Variants in RIMBP2 observed in about 807,000 individuals in gnomAD.
The protein encoded by RIMBP2 is RIMS-binding protein 2.
Under a neutral mutation model 118.6 loss-of-function variants are expected in RIMBP2, and 48 were observed. The observed-to-expected ratio is 0.40, with a 90% CI of 0.32 to 0.51. The LOEUF is 0.51. Among genes scored for constraint, RIMBP2 ranks in the 20% least tolerant of loss-of-function variants. RIMBP2 has a pLI of 0.41. For synonymous variants in RIMBP2, 762 were observed against 742.9 expected, an observed-to-expected ratio of 1.03 and a Z score of -0.42; for missense variants, 1,551 against 1,768.3, an observed-to-expected ratio of 0.88 and a Z score of 2.20.
intron 1 of RIMBP2, among the ~76,000 whole-genome samples, chr12:130,653,067 C>A (rs1074691): frequency 0.094 from 14,353 of 152,250 alleles, 840 homozygotes; most frequent in Non-Finnish European, 0.13. Flanking sequence ...TCCCCCAAAT[C>A]TCATGTCCTT....
chr12:130,504,963 T>G (rs1198458906), intron 4 of RIMBP2, among the ~76,000 whole-genome samples: 1 of 152,140 alleles, frequency 6.6e-6, no homozygotes, highest in Non-Finnish European at 1.5e-5. Flanking sequence ...TCCAACAGAC[T>G]CTCCGCTAAG....
At chr12:130,535,615 A>G (rs2053922613) in intron 2 of RIMBP2, among the ~76,000 whole-genome samples, 1 of 151,316 alleles carries the variant, frequency 6.6e-6, no homozygotes. Flanking sequence ...CCTGTAAAAC[A>G]CAGCTCTCTC....
chr12:130,433,342 C>T (rs536218546), intron 14 of RIMBP2, among the ~76,000 whole-genome samples: 2 of 152,314 alleles, frequency 1.3e-5, no homozygotes, highest in South Asian at 2.1e-4. Flanking sequence ...TATGTCTACT[C>T]ACTGCATGTG....
chr12:130,592,837 C>T (rs2059353669), intron 2 of RIMBP2, among the ~76,000 whole-genome samples: 1 of 152,094 alleles, frequency 6.6e-6, no homozygotes, highest in South Asian at 2.1e-4. Flanking sequence ...AAATCGGGAG[C>T]GGGAGAGATG....
At chr12:130,602,928 C>T (rs1038913797) in intron 2 of RIMBP2, among the ~76,000 whole-genome samples, 6 of 152,120 alleles carry the variant, frequency 3.9e-5, no homozygotes, top group African/African-American at 1.2e-4. Context: ...CACCCCCTCC[C>T]GGAAGAGGAG....
chr12:130,706,706 G>A lies in RIMBP2; in HGVS notation c.-352+9516C>T, dbSNP rs2066138991. Among the ~76,000 whole-genome samples, 4 of 152,368 alleles carry A rather than the reference G, an allele frequency of 2.6e-5. No individual in the cohort carries two copies. In the South Asian group the frequency reaches 8.3e-4, roughly 32 times the overall value. ...TGTTGGTGCCTTTTGACAGTTAAAT[G>A]AGCTAGCTGGTGGGAAGAGTGCAGA... On this transcript the variant is annotated intron_variant, in intron 1 of 22. Transcript: ENST00000690449.
At position 130,422,666 on chromosome 12, in the gene RIMBP2, A is replaced by ACC; in HGVS notation, c.3130-106_3130-105insGG. On this transcript the variant is annotated intron_variant, in intron 16 of 22. Transcript: ENST00000690449. This position sits in a 1 kb window ranked among gnomAD's most constrained non-coding sequence, Gnocchi z 5.2. ...TTGAAAAGCAGAATCTGTAAAGGCA[A>ACC]CTAAACTTAGCTTTTAACTGAAAGG... The ACC allele has an allele frequency of 1.3e-6, 1 of 778,696 alleles. No homozygotes were observed. Among genetic ancestry groups the ACC allele is most frequent in the Non-Finnish European group, 2.1e-6 (1 of 472,706 alleles). 48.2% of individuals were successfully genotyped at this position (778,696 alleles called of 1,614,324 possible).
At chr12:130,702,113 C>G (rs1050488732) in intron 1 of RIMBP2, among the ~76,000 whole-genome samples, 1 of 152,168 alleles carries the variant, frequency 6.6e-6, no homozygotes, top group African/African-American at 2.4e-5. Context: ...AGGGTCCCAG[C>G]TGTTTGCATT....
intron 2 of RIMBP2, among the ~76,000 whole-genome samples, chr12:130,550,595 G>T (rs918086671): frequency 1.3e-5 from 2 of 152,138 alleles, no homozygotes; most frequent in African/African-American, 4.8e-5. Flanking sequence ...TCCTATTTTT[G>T]CAATGTTTAT....
chr12:130,437,866 T>C (rs1340434449), intron 12 of RIMBP2, among the ~76,000 whole-genome samples: 3 of 152,176 alleles, frequency 2.0e-5, no homozygotes, highest in Non-Finnish European at 2.9e-5. Flanking sequence ...AAGCCCTCCC[T>C]GAGGGCAGAT....
In RIMBP2 at chr12:130,432,381, T is replaced by A; in HGVS notation, c.2253+2353A>T. On this transcript the variant is annotated intron_variant, in intron 14 of 22. Coordinates refer to ENST00000690449, the MANE Select transcript of RIMBP2 (RefSeq NM_001393629.1). ...GCACTTACTACTTGCCAGTTGTGTT[T>A]TGCGTGTCATGTAATACACAGAAAG... is the stretch of plus-strand genomic sequence containing the variant. 13 of 450,218 alleles carry A rather than the reference T, an allele frequency of 2.9e-5. 1 individual carries two copies. The highest frequency in any genetic ancestry group is 1.7e-4 in the South Asian group (11 of 63,354). The allele number at this position is 450,218 out of a possible 1,614,324, so 27.9% of individuals were successfully genotyped here. A position where few individuals can be genotyped will look rare whatever the true frequency, so the allele number is the denominator to read the frequency against.
At chr12:130,583,800 ACCGCCATCACCTCATCACCACCAC>A (rs2058645644) in intron 2 of RIMBP2, among the ~76,000 whole-genome samples, 2 of 71,136 alleles carry the variant, frequency 2.8e-5, no homozygotes, top group African/African-American at 3.9e-5. Context: ...CATCACCACC[ACCGCCATCACCTCATCACCACCAC>A]CCCCATCACC....
chr12:130,561,102 C>T (rs1242905300), intron 2 of RIMBP2, among the ~76,000 whole-genome samples: 2 of 152,132 alleles, frequency 1.3e-5, no homozygotes, highest in Non-Finnish European at 2.9e-5. Context: ...CAAGGAGCCC[C>T]AAAGATGGCC....
intron 1 of RIMBP2, among the ~76,000 whole-genome samples, chr12:130,645,973 GA>G (rs1471039115): frequency 3.9e-5 from 6 of 152,036 alleles, no homozygotes; most frequent in Non-Finnish European, 8.8e-5. Context: ...AAGAAGGAAA[GA>G]AAAAACCCAG....
rs1198052812 is a variant in RIMBP2, at chr12:130,688,132, C to T, written c.-352+28090G>A. Among the ~76,000 whole-genome samples the T allele has an allele frequency of 3.3e-5, 5 of 152,202 alleles. No homozygotes were observed. The highest frequency in any genetic ancestry group is 7.3e-5 in the Non-Finnish European group (5 of 68,044). On this transcript the variant is annotated intron_variant, in intron 1 of 22. Transcript: ENST00000690449. The surrounding 1 kb of genome is among the most constrained non-coding windows in gnomAD (Gnocchi z 4.7). The stretch of plus-strand genomic sequence containing the variant: ...ACACTCGGTGACCAGGCTCTGATGC[C>T]ATTCCAAGCATGGCCCCACAGCTCC...
chr12:130,470,810 G>A (rs1478590605), intron 5 of RIMBP2, 67 bp from the exon 6 acceptor site: 7 of 928,396 alleles, frequency 7.5e-6, no homozygotes, highest in Non-Finnish European at 8.4e-6. Context: ...TCGGATCAAT[G>A]TCTGAATCAC....
chr12:130,658,237 T>C (rs2063509394), intron 1 of RIMBP2: 1 of 152,216 alleles, frequency 6.6e-6, no homozygotes, highest in Non-Finnish European at 1.5e-5. Flanking sequence ...CGTGTTGACA[T>C]GAAGGGTTCT....
chr12:130,434,969 T>C lies in RIMBP2; in HGVS notation c.2107-89A>G, dbSNP rs1181022850. 2 of 1,417,858 alleles carry C rather than the reference T, an allele frequency of 1.4e-6. No homozygotes were observed. Among genetic ancestry groups the C allele is most frequent in the East Asian group, 4.9e-5 (2 of 41,072 alleles). 87.8% of individuals were successfully genotyped at this position (1,417,858 alleles called of 1,614,324 possible). A position where few individuals can be genotyped will look rare whatever the true frequency, so the allele number is the denominator to read the frequency against. On this transcript the variant is annotated intron_variant, in intron 13 of 22. Coordinates refer to ENST00000690449, the MANE Select transcript of RIMBP2 (RefSeq NM_001393629.1). This position sits in a 1 kb window ranked among gnomAD's most constrained non-coding sequence, Gnocchi z 5.7. Reference sequence around the variant, plus strand: ...CTGCATTCACCAAACCTTCAGCCCCTCAGAGCCTGGCCAGGCACCCCCCAC... The same window carrying C: ...CTGCATTCACCAAACCTTCAGCCCCCCAGAGCCTGGCCAGGCACCCCCCAC...
chr12:130,439,108 T>C (rs2077788250), intron 11 of RIMBP2, among the ~76,000 whole-genome samples: 1 of 152,104 alleles, frequency 6.6e-6, no homozygotes, highest in African/African-American at 2.4e-5. Context: ...ATGACATCGT[T>C]GAACCTGAGA....
Sources: gnomAD v4.1 joint callset for allele counts (sites outside exome capture counted in the v4.1 genomes callset) on GRCh38, gnomAD v4.1.1 for gene constraint, Gnocchi (gnomAD v3.1) non-coding constraint, MANE v1.5 for transcripts, NCBI Gene and HGNC (gene_info 2026-07-23, HGNC 2026-07-21) for gene names.